The following SLC26A9 variants were observed in gnomAD, a reference collection of about 807,000 sequenced individuals.
SLC26A9 encodes anion transporter/exchanger protein 9.
In SLC26A9, 46 loss-of-function variants were observed where a neutral mutation model predicts 87.1. The observed-to-expected ratio is 0.53, with a 90% CI of 0.42 to 0.67. The LOEUF (loss-of-function observed/expected upper bound fraction) is 0.67. Ranked by LOEUF, SLC26A9 falls within the 30% of genes least tolerant of loss-of-function variation. The pLI, the probability that SLC26A9 is intolerant of heterozygous loss-of-function variation, is 0.00. For synonymous variants in SLC26A9, 437 were observed against 409.1 expected (o/e 1.07, Z -0.82); for missense variants, 927 against 1,018.3 (o/e 0.91, Z 1.22).
chr1:205,929,323 T>G lies in SLC26A9; in HGVS notation c.751A>C (p.Thr251Pro), dbSNP rs771296518. Reference protein sequence around the residue: ...FIDICKNLPHTNIASLIFALI... With the variant: ...FIDICKNLPHPNIASLIFALI... ...GCGAAGATGAGCGAGGCGATGTTGGTGTGGGGGAGGTTTTTGCAAATGTCA... is the reference window on the plus strand; with the variant it reads ...GCGAAGATGAGCGAGGCGATGTTGGGGTGGGGGAGGTTTTTGCAAATGTCA... The change falls in exon 7 of 21, where the codon ACC becomes CCC. Residue 251 changes from threonine (T) to proline (P), a missense_variant. By Grantham distance (38) the Thr-to-Pro change is conservative. Coordinates refer to ENST00000367135, the MANE Select transcript of SLC26A9 (RefSeq NM_052934.4). The G allele has an allele frequency of 1.9e-6, 3 of 1,614,084 alleles. No homozygotes were observed. The African/African-American group carries it at 4.0e-5, about 22-fold the overall frequency.
At chr1:205,933,137 C>G in intron 2 of SLC26A9, 53 bp from the exon 3 acceptor site, 4 of 1,609,340 alleles carry the variant, frequency 2.5e-6, no homozygotes, top group Admixed American at 3.3e-5. Context: ...TTGGACATTC[C>G]GTGTTGGAGA....
chr1:205,917,420 G>T, intron 19 of SLC26A9, 66 bp from the exon 20 acceptor site: 1 of 1,525,578 alleles, frequency 6.6e-7, no homozygotes, highest in Non-Finnish European at 9.1e-7. Context: ...GTGCATGGTG[G>T]CAGGAAAAGG....
intron 16 of SLC26A9, among the ~76,000 whole-genome samples, chr1:205,922,293 C>G (rs184444469): frequency 1.3e-5 from 2 of 152,200 alleles, no homozygotes; most frequent in Non-Finnish European, 2.9e-5. Flanking sequence ...CCCACCACCA[C>G]GCCTGGCTAA....
intron 20 of SLC26A9, 45 bp from the exon 21 acceptor site, chr1:205,915,449 A>C (rs1343150629): frequency 6.2e-7 from 1 of 1,613,284 alleles, no homozygotes; most frequent in Non-Finnish European, 8.5e-7. Flanking sequence ...GAGAGAGGTT[A>C]GACCAGTTGG....
chr1:205,927,467 C>G (rs1279074208), intron 10 of SLC26A9, 25 bp downstream of exon 10: 5 of 1,609,112 alleles, frequency 3.1e-6, no homozygotes, highest in East Asian at 2.2e-5. Context: ...CCACCTCCCC[C>G]CAACTCCCCT....
rs1236258659 is a variant in SLC26A9 at position 205,921,731 on chromosome 1, G to A, written c.1890C>T (p.Asp630=). ...TSVSYITFSP[D]SSSPAQSEPP... is the part of the protein sequence containing the mutation. Reference sequence around the variant, plus strand: ...GCTCACTCTGGGCAGGTGAGGAGCTGTCAGGGCTGAAGGTGATATAGGACA... The same window carrying A: ...GCTCACTCTGGGCAGGTGAGGAGCTATCAGGGCTGAAGGTGATATAGGACA... Residue 630 remains aspartate, a synonymous_variant, in exon 17 of 21, where the codon GAC becomes GAT. Coordinates refer to ENST00000367135, the MANE Select transcript of SLC26A9 (RefSeq NM_052934.4). The A allele has an allele frequency of 6.3e-7, 1 of 1,591,664 alleles. No homozygotes were observed.
At chr1:205,934,146 C>T (rs1486594499) in intron 2 of SLC26A9, among the ~76,000 whole-genome samples, 2 of 152,202 alleles carry the variant, frequency 1.3e-5, no homozygotes, top group East Asian at 1.9e-4. Context: ...AAGACTGAAA[C>T]CAACAAAGAC....
In SLC26A9 at chr1:205,913,490, C is replaced by T. The variant is rs1259027745; in HGVS notation, c.*1867G>A. On this transcript the variant is annotated 3_prime_UTR_variant, in exon 21 of 21. Coordinates refer to ENST00000367135, the MANE Select transcript of SLC26A9 (RefSeq NM_052934.4). Reference sequence around the variant, plus strand: ...ACTTGGGGGTTAAGGATCACTTCATCAAGTCCTCAGGGGATCTAGATACTT... The same window carrying T: ...ACTTGGGGGTTAAGGATCACTTCATTAAGTCCTCAGGGGATCTAGATACTT... The T allele has an allele frequency of 6.6e-6, 1 of 152,606 alleles. No individual in the cohort carries two copies. The highest frequency in any genetic ancestry group is 1.5e-5 in the Non-Finnish European group (1 of 68,064). The allele number at this position is 152,606 out of a possible 1,614,324, so 9.5% of individuals were successfully genotyped here.
chr1:205,933,962 G>T (rs1478563946), intron 2 of SLC26A9, among the ~76,000 whole-genome samples: 4 of 152,180 alleles, frequency 2.6e-5, no homozygotes, highest in Admixed American at 6.5e-5. Context: ...CTGGAAGTGG[G>T]TGAGGGGCAT....
intron 2 of SLC26A9, chr1:205,935,045 G>C (rs1306178191): frequency 2.6e-5 from 4 of 152,282 alleles, no homozygotes; most frequent in Admixed American, 2.6e-4. Context: ...TCTGGGAATG[G>C]GGAGGGTGAC....
At chr1:205,923,023 G>T (rs1231196153) in intron 16 of SLC26A9, 59 bp downstream of exon 16, 3 of 1,511,522 alleles carry the variant, frequency 2.0e-6, no homozygotes, top group Non-Finnish European at 2.8e-6. Flanking sequence ...GAGTAACAGG[G>T]GGCAGTATCA....
At position 205,921,729 on chromosome 1, in the gene SLC26A9, C is replaced by G. The variant is rs1209787375; in HGVS notation, c.1892G>C (p.Ser631Thr). 5 of 1,590,430 alleles carry G rather than the reference C, an allele frequency of 3.1e-6. No individual in the cohort carries two copies. The highest frequency in any genetic ancestry group is 4.3e-6 in the Non-Finnish European group (5 of 1,168,568). The change falls in exon 17 of 21, where the codon AGC becomes ACC. Residue 631 changes from serine (S) to threonine (T), a missense_variant. Transcript: ENST00000367135. ...SVSYITFSPD[S>T]SSPAQSEPPA... Reference sequence around the variant, plus strand: ...TGGCTCACTCTGGGCAGGTGAGGAGCTGTCAGGGCTGAAGGTGATATAGGA... The same window carrying G: ...TGGCTCACTCTGGGCAGGTGAGGAGGTGTCAGGGCTGAAGGTGATATAGGA...
rs74146718 is a variant in SLC26A9 at position 205,920,363 on chromosome 1, C to T, written c.2056-133G>A. 3,894 of 953,840 alleles carry T rather than the reference C, an allele frequency of 4.1e-3. 99 individuals carry two copies. In the African/African-American group the frequency reaches 0.056, roughly 14 times the overall value. 59.1% of individuals were successfully genotyped at this position (953,840 alleles called of 1,614,324 possible). A position where few individuals can be genotyped will look rare whatever the true frequency, so the allele number is the denominator to read the frequency against. On this transcript the variant is annotated intron_variant, in intron 17 of 20. Transcript: ENST00000367135. Reference sequence around the variant, plus strand: ...ACCCTGAGAGCCCAGCAGCCAAAGACAAAAATAGCAGCAAAGCACACCACT... The same window carrying T: ...ACCCTGAGAGCCCAGCAGCCAAAGATAAAAATAGCAGCAAAGCACACCACT...
Position 205,915,353 on chromosome 1 carries a change from G to T in SLC26A9, c.*4C>A, listed in dbSNP as rs745908845. On this transcript the variant is annotated 3_prime_UTR_variant, in exon 21 of 21. Coordinates refer to ENST00000367135, the MANE Select transcript of SLC26A9 (RefSeq NM_052934.4). Reference sequence around the variant, plus strand: ...TGTAGGCAGCATGAGGACTGGCTGAGCCCTCACAGGGCGGTCAGGGTCTCT... The same window carrying T: ...TGTAGGCAGCATGAGGACTGGCTGATCCCTCACAGGGCGGTCAGGGTCTCT... 4.3e-6 allele frequency: 7 copies of T among 1,614,150 alleles called. No individual in the cohort carries two copies. In the East Asian group the frequency reaches 1.6e-4, roughly 36 times the overall value.
intron 17 of SLC26A9, among the ~76,000 whole-genome samples, 174 bp from the exon 18 acceptor site, chr1:205,920,404 G>A (rs16856473): frequency 0.085 from 12,885 of 152,300 alleles, 618 homozygotes; most frequent in African/African-American, 0.12. Flanking sequence ...CTGGAGTGTT[G>A]GCTGACGGTT....
Position 205,923,617 on chromosome 1 carries a change from G to C in SLC26A9, c.1497-4C>G. 1 of 1,614,176 alleles carries C rather than the reference G, an allele frequency of 6.2e-7. No individual in the cohort carries two copies. Among genetic ancestry groups the C allele is most frequent in the Non-Finnish European group, 8.5e-7 (1 of 1,180,032 alleles). The stretch of plus-strand genomic sequence containing the variant: ...GGCCAGTGCATAGCCATTTCGACTG[G>C]ATGAAGCAGGAAGAGAAAAACATAA... On this transcript the variant is annotated splice_region_variant and splice_polypyrimidine_tract_variant and intron_variant, in intron 13 of 20. Coordinates refer to ENST00000367135, the MANE Select transcript of SLC26A9 (RefSeq NM_052934.4).
intron 2 of SLC26A9, 126 bp downstream of exon 2, chr1:205,935,570 A>G: frequency 7.1e-7 from 1 of 1,418,214 alleles, no homozygotes; most frequent in South Asian, 1.4e-5. Context: ...ATCATTCAGA[A>G]CCTCACTTCC....
chr1:205,942,954 A>G (rs1240007238), intron 1 of SLC26A9, among the ~76,000 whole-genome samples: 1 of 152,196 alleles, frequency 6.6e-6, no homozygotes, highest in Non-Finnish European at 1.5e-5. Flanking sequence ...TAGGCTGGTG[A>G]GTCAAGCATT....
intron 1 of SLC26A9, among the ~76,000 whole-genome samples, chr1:205,942,783 T>A (rs1053358322): frequency 6.6e-6 from 1 of 152,164 alleles, no homozygotes; most frequent in African/African-American, 2.4e-5. Context: ...CCTCTCCCAC[T>A]CCTCAGTTTC....
Sources: allele counts gnomAD v4.1 joint callset (sites outside exome capture counted in the v4.1 genomes callset), GRCh38; gene constraint gnomAD v4.1.1; transcripts MANE v1.5; gene names NCBI Gene and HGNC (gene_info 2026-07-23, HGNC 2026-07-21).